Variants in MFF observed in about 807,000 individuals in gnomAD.
The protein encoded by MFF is mitochondrial fission factor.
Under a neutral mutation model 36.9 loss-of-function variants are expected in MFF, and 12 were observed. The observed-to-expected ratio is 0.33, with a 90% CI of 0.21 to 0.53. MFF has a LOEUF of 0.53. Ranked by LOEUF, MFF falls within the 20% of genes least tolerant of loss-of-function variation. The pLI, the probability that MFF is intolerant of heterozygous loss-of-function variation, is 0.95. For synonymous variants in MFF, 99 were observed against 126.2 expected (o/e 0.78, Z 1.44); for missense variants, 348 against 366.6 (o/e 0.95, Z 0.42).
intron 7 of MFF, among the ~76,000 whole-genome samples, chr2:227,354,754 ATT>A (rs140499977): frequency 0.16 from 24,055 of 152,112 alleles, 2,034 homozygotes; most frequent in African/African-American, 0.22. Flanking sequence ...TATACACAGC[ATT>A]TTATTCATTA....
At chr2:227,334,531 G>A (rs541550338) in intron 4 of MFF, among the ~76,000 whole-genome samples, 30 of 152,274 alleles carry the variant, frequency 2.0e-4, no homozygotes, top group African/African-American at 6.7e-4. Context: ...GATTCATTCA[G>A]GTGTTAACTC....
chr2:227,330,045 A>G (rs575717098), intron 2 of MFF: 29 of 292,492 alleles, frequency 9.9e-5, no homozygotes, highest in African/African-American at 4.5e-4. Flanking sequence ...TTTGGTATTC[A>G]TTGCATCTCA....
At position 227,355,775 on chromosome 2, in the gene MFF, CA is replaced by C; in HGVS notation, c.744+17del. On this transcript the variant is annotated intron_variant, in intron 8 of 8. Coordinates refer to ENST00000304593, the MANE Select transcript of MFF (RefSeq NM_001277062.2). ...CTAAGACGACAGGTATTTAGTGTAC[CA>C]AATAAGATATATTTCTCAGTTATAT... is the stretch of plus-strand genomic sequence containing the variant. 1 of 1,482,936 alleles carries C rather than the reference CA, an allele frequency of 6.7e-7. No homozygotes were observed. The highest frequency in any genetic ancestry group is 9.4e-7 in the Non-Finnish European group (1 of 1,065,636). 91.9% of individuals were successfully genotyped at this position (1,482,936 alleles called of 1,614,324 possible).
intron 3 of MFF, among the ~76,000 whole-genome samples, chr2:227,331,429 G>C (rs976470662): frequency 6.6e-6 from 1 of 152,092 alleles, no homozygotes; most frequent in African/African-American, 2.4e-5. Context: ...ATCTTCATTC[G>C]TTGATTGCTT....
intron 5 of MFF, among the ~76,000 whole-genome samples, chr2:227,344,887 ATATCT>A (rs1237305663): frequency 6.6e-6 from 1 of 152,226 alleles, no homozygotes; most frequent in Non-Finnish European, 1.5e-5. Flanking sequence ...GAGGAAATAA[ATATCT>A]TTACTAGTAT....
intron 8 of MFF, among the ~76,000 whole-genome samples, chr2:227,356,283 A>C (rs2076253950): frequency 6.6e-6 from 1 of 152,184 alleles, no homozygotes; most frequent in Admixed American, 6.5e-5. Context: ...GTCTATACCA[A>C]ATAGATATAG....
intron 2 of MFF, chr2:227,329,560 G>A: frequency 2.2e-6 from 1 of 463,472 alleles, no homozygotes; most frequent in Non-Finnish European, 3.8e-6. Flanking sequence ...GTTTTCTTAT[G>A]AAATGAATTG....
At chr2:227,339,231 A>G (rs1033181911) in intron 4 of MFF, among the ~76,000 whole-genome samples, 3 of 152,182 alleles carry the variant, frequency 2.0e-5, no homozygotes, top group Non-Finnish European at 4.4e-5. Flanking sequence ...TTTTCAAATA[A>G]GCAGAAAAGT....
intron 1 of MFF, chr2:227,325,702 C>G (rs988082392): frequency 1.3e-5 from 2 of 152,224 alleles, no homozygotes; most frequent in Non-Finnish European, 2.9e-5. Context: ...GGTTCGGCGT[C>G]TCCTTTTGTG....
Position 227,332,414 on chromosome 2 carries a change from C to G in MFF, c.182-5C>G. ...TTCTTTGTCTCTTTTCTTGAAAACT[C>G]CTAGGAAATAATGAAGATGTTTCAT... On this transcript the variant is annotated splice_region_variant and splice_polypyrimidine_tract_variant and intron_variant, in intron 3 of 8. Transcript: ENST00000304593. 6.7e-7 allele frequency: 1 copy of G among 1,491,288 alleles called. No individual in the cohort carries two copies. Among genetic ancestry groups the G allele is most frequent in the Non-Finnish European group, 8.9e-7 (1 of 1,120,288 alleles). The allele number at this position is 1,491,288 out of a possible 1,614,324, so 92.4% of individuals were successfully genotyped here. A position where few individuals can be genotyped will look rare whatever the true frequency, so the allele number is the denominator to read the frequency against.
chr2:227,356,545 A>G (rs868277154), intron 8 of MFF, among the ~76,000 whole-genome samples: 14 of 152,112 alleles, frequency 9.2e-5, no homozygotes, highest in Admixed American at 1.3e-4. Context: ...TGGACAGAGA[A>G]GGCGGTTATG....
intron 2 of MFF, chr2:227,329,711 A>AATAGCTATT: frequency 7.1e-7 from 1 of 1,418,310 alleles, no homozygotes; most frequent in Admixed American, 1.7e-5. Context: ...GCAGTATTTT[A>AATAGCTATT]ATAGCTATTA....
chr2:227,329,606 C>T, intron 2 of MFF: 1 of 638,506 alleles, frequency 1.6e-6, no homozygotes, highest in South Asian at 1.8e-5. Flanking sequence ...TTTTTTACAG[C>T]TGGAAAAGCA....
intron 5 of MFF, among the ~76,000 whole-genome samples, chr2:227,341,176 C>T (rs1426006797): frequency 6.6e-6 from 1 of 151,988 alleles, no homozygotes; most frequent in East Asian, 1.9e-4. Flanking sequence ...GAGGACAATA[C>T]AGTGATTTAT....
chr2:227,357,024 G>A lies in MFF; in HGVS notation c.783G>A (p.Glu261=). Residue 261 remains glutamate, a synonymous_variant, in exon 9 of 9, where the codon GAG becomes GAA. Coordinates refer to ENST00000304593, the MANE Select transcript of MFF (RefSeq NM_001277062.2). ...KLNRRLQLLE[E]ENKERAKREM... ...ATAGACGTCTACAACTTCTGGAAGA[G>A]GAGAACAAAGAACGTGCTAAAAGAG... The A allele has an allele frequency of 6.2e-7, 1 of 1,613,266 alleles. No homozygotes were observed. Among genetic ancestry groups the A allele is most frequent in the Non-Finnish European group, 8.5e-7 (1 of 1,179,604 alleles).
intron 5 of MFF, chr2:227,342,807 C>T (rs763899321): frequency 6.2e-7 from 1 of 1,613,370 alleles, no homozygotes; most frequent in Non-Finnish European, 8.5e-7. Context: ...CCGATTTCTG[C>T]ACCGGAGTAC....
chr2:227,330,072 T>G (rs964017890), intron 2 of MFF: 1 of 249,150 alleles, frequency 4.0e-6, no homozygotes, highest in African/African-American at 2.2e-5. Context: ...AGGAGAAGTT[T>G]TAGTTTGTAT....
intron 2 of MFF, chr2:227,329,485 A>G (rs543125430): frequency 5.4e-6 from 2 of 367,464 alleles, no homozygotes; most frequent in East Asian, 6.8e-5. Flanking sequence ...TGGTTTCTCA[A>G]ATCAAGCCCT....
intron 7 of MFF, among the ~76,000 whole-genome samples, 172 bp downstream of exon 7, chr2:227,352,745 A>G (rs544154497): frequency 3.7e-4 from 57 of 152,308 alleles, no homozygotes; most frequent in African/African-American, 1.3e-3. Context: ...ATCAGTCATG[A>G]CATTTGGCCA....
Sources: allele counts gnomAD v4.1 joint callset (sites outside exome capture counted in the v4.1 genomes callset), GRCh38; gene constraint gnomAD v4.1.1; transcripts MANE v1.5; gene names NCBI Gene and HGNC (gene_info 2026-07-23, HGNC 2026-07-21).